The following MEI4 variants were observed in gnomAD, a reference collection of about 807,000 sequenced individuals.
The protein encoded by MEI4 is meiotic double-stranded break formation protein 4, also known as meiosis-specific protein MEI4.
Under a neutral mutation model 31.4 loss-of-function variants are expected in MEI4, and 27 were observed. That is an observed-to-expected ratio of 0.86 (90% CI 0.63 to 1.19). The LOEUF (loss-of-function observed/expected upper bound fraction) is 1.19. Ranked by LOEUF, MEI4 falls within the 50% of genes most tolerant of loss-of-function variation. The pLI, the probability that MEI4 is intolerant of heterozygous loss-of-function variation, is 0.00. For synonymous variants in MEI4, 122 were observed against 145.4 expected, an observed-to-expected ratio of 0.84 and a Z score of 1.16; for missense variants, 329 against 398.9, an observed-to-expected ratio of 0.82 and a Z score of 1.49.
chr6:77,866,166 G>A (rs1307797691), intron 4 of MEI4, among the ~76,000 whole-genome samples: 2 of 151,908 alleles, frequency 1.3e-5, no homozygotes, highest in Non-Finnish European at 2.9e-5. Flanking sequence ...TTGAAAACTG[G>A]CACAAGACAG....
intron 1 of MEI4, 75 bp from the exon 2 acceptor site, chr6:77,690,583 A>T: frequency 1.5e-6 from 1 of 662,772 alleles, no homozygotes; most frequent in Non-Finnish European, 2.1e-6. Flanking sequence ...ACTCTGCAAA[A>T]TCAATTTTAA....
intron 2 of MEI4, among the ~76,000 whole-genome samples, chr6:77,715,863 T>G (rs554095686): frequency 6.6e-6 from 1 of 152,320 alleles, no homozygotes; most frequent in South Asian, 2.1e-4. Flanking sequence ...GGCATTTAAT[T>G]TCTTGGTTGA....
At chr6:77,746,547 G>A (rs1321254082) in intron 2 of MEI4, among the ~76,000 whole-genome samples, 1 of 152,006 alleles carries the variant, frequency 6.6e-6, no homozygotes, top group African/African-American at 2.4e-5. Flanking sequence ...AGTATCCTGG[G>A]TCTCCAGCTT....
chr6:77,774,927 C>G (rs1768400669), intron 3 of MEI4, among the ~76,000 whole-genome samples: 1 of 152,036 alleles, frequency 6.6e-6, no homozygotes, highest in African/African-American at 2.4e-5. Context: ...ACAGTGTATA[C>G]AGGGCCACAT....
chr6:77,804,003 A>C (rs1561995943), intron 3 of MEI4, among the ~76,000 whole-genome samples: 1 of 152,174 alleles, frequency 6.6e-6, no homozygotes, highest in South Asian at 2.1e-4. Flanking sequence ...CAAAGCTGTC[A>C]AACAGGGACA....
At position 77,845,181 on chromosome 6, in the gene MEI4, C is replaced by T. The variant is rs535609246; in HGVS notation, c.900+16119C>T. On this transcript the variant is annotated intron_variant, in intron 4 of 4. Coordinates refer to ENST00000684080, the MANE Select transcript of MEI4 (RefSeq NM_001322247.2). ...TTTTGTCTTCTACCTTGTGTTGAGG[C>T]GGTCAGGTAAAACCCAAGATGCTGG... Among the ~76,000 whole-genome samples the T allele has an allele frequency of 1.7e-4, 26 of 152,184 alleles. No individual in the cohort carries two copies. In the South Asian group the frequency reaches 3.7e-3, roughly 22 times the overall value.
chr6:77,895,305 G>T (rs1414172234), intron 4 of MEI4, among the ~76,000 whole-genome samples: 1 of 152,118 alleles, frequency 6.6e-6, no homozygotes, highest in Non-Finnish European at 1.5e-5. Context: ...AAATTGTAAG[G>T]ATTATTCTGA....
intron 4 of MEI4, among the ~76,000 whole-genome samples, chr6:77,851,123 A>G (rs1314891753): frequency 3.3e-5 from 5 of 152,310 alleles, no homozygotes; most frequent in East Asian, 1.9e-4. Flanking sequence ...TGATCATTAA[A>G]AAGTCAGGAA....
chr6:77,810,296 C>T (rs16889431), intron 3 of MEI4, among the ~76,000 whole-genome samples: 42,676 of 152,004 alleles, frequency 0.28, 6,770 homozygotes, highest in South Asian at 0.39. Context: ...GCAAATCTTC[C>T]TCCAGGCCAC....
chr6:77,690,465 T>C (rs1451447096), intron 1 of MEI4, among the ~76,000 whole-genome samples, 193 bp from the exon 2 acceptor site: 1 of 152,054 alleles, frequency 6.6e-6, no homozygotes, highest in African/African-American at 2.4e-5. Context: ...TTAATATGCA[T>C]GTGTGTGTAT....
chr6:77,786,839 TA>T (rs1452196408), intron 3 of MEI4, among the ~76,000 whole-genome samples: 2 of 152,074 alleles, frequency 1.3e-5, no homozygotes, highest in African/African-American at 4.8e-5. Flanking sequence ...AAAATAAAAA[TA>T]ATATCTCTGT....
intron 4 of MEI4, among the ~76,000 whole-genome samples, chr6:77,906,734 G>A (rs1581968257): frequency 6.6e-6 from 1 of 152,176 alleles, no homozygotes; most frequent in African/African-American, 2.4e-5. Flanking sequence ...GTCTGGGGCA[G>A]TAATGGCACT....
chr6:77,919,599 A>G (rs1321354944), intron 4 of MEI4, among the ~76,000 whole-genome samples: 1 of 151,852 alleles, frequency 6.6e-6, no homozygotes, highest in Non-Finnish European at 1.5e-5. Context: ...CTACAAAAGC[A>G]AGAGCAAACA....
chr6:77,902,849 C>G (rs1406001519), intron 4 of MEI4, among the ~76,000 whole-genome samples: 3 of 152,110 alleles, frequency 2.0e-5, no homozygotes, highest in Admixed American at 6.6e-5. Context: ...TGATTGATGT[C>G]TCATGTCTCC....
Position 77,723,262 on chromosome 6 carries a change from TCTA to T in MEI4, c.232+32362_232+32364del, listed in dbSNP as rs1436959811. ...AGAGACTGCTTGTATAGTACATAAATCTACTGCTGCACTGCCACTTGTGGCGGG... is the reference window on the plus strand; with the variant it reads ...AGAGACTGCTTGTATAGTACATAAATCTGCTGCACTGCCACTTGTGGCGGG... On this transcript the variant is annotated intron_variant, in intron 2 of 4. Transcript: ENST00000684080. Among the ~76,000 whole-genome samples, 7 of 141,414 alleles carry T rather than the reference TCTA, an allele frequency of 4.9e-5. 1 individual carries two copies. In the East Asian group the frequency reaches 6.5e-4, roughly 13 times the overall value. The allele number at this position is 141,414 out of a possible 152,430, so 92.8% of individuals were successfully genotyped here.
chr6:77,900,192 G>T (rs2127734869), intron 4 of MEI4, among the ~76,000 whole-genome samples: 1 of 152,116 alleles, frequency 6.6e-6, no homozygotes, highest in East Asian at 1.9e-4. Flanking sequence ...TACACTGTTT[G>T]TAGAAATGAA....
At chr6:77,879,674 C>T (rs1160164074) in intron 4 of MEI4, among the ~76,000 whole-genome samples, 2 of 152,158 alleles carry the variant, frequency 1.3e-5, no homozygotes, top group Non-Finnish European at 2.9e-5. Context: ...AGAGCAGTGA[C>T]CTTTGTGGCC....
In MEI4 at chr6:77,911,677, T is replaced by C. The variant is rs186163951; in HGVS notation, c.901-11412T>C. On this transcript the variant is annotated intron_variant, in intron 4 of 4. Transcript: ENST00000684080. The stretch of plus-strand genomic sequence containing the variant: ...TTTTTATAGCTGCAATAGTATTCCA[T>C]GATATATATAATGCATATATTATGT... Among the ~76,000 whole-genome samples, 28 of 149,914 alleles carry C rather than the reference T, an allele frequency of 1.9e-4. No individual in the cohort carries two copies. The East Asian group carries it at 4.3e-3, about 23-fold the overall frequency.
At position 77,871,550 on chromosome 6, in the gene MEI4, G is replaced by A. The variant is rs565436443; in HGVS notation, c.900+42488G>A. 2.2e-3 allele frequency among the ~76,000 whole-genome samples: 335 copies of A among 152,158 alleles called. 1 individual carries two copies. Among genetic ancestry groups the A allele is most frequent in the African/African-American group, 7.3e-3 (304 of 41,520 alleles). ...ACAGACACTGGAGACTACTAGCAGGGAGAGAGGGAGGAGGGCAAGGGCTGA... is the reference window on the plus strand; with the variant it reads ...ACAGACACTGGAGACTACTAGCAGGAAGAGAGGGAGGAGGGCAAGGGCTGA... On this transcript the variant is annotated intron_variant, in intron 4 of 4. Coordinates refer to ENST00000684080, the MANE Select transcript of MEI4 (RefSeq NM_001322247.2).
Sources: allele counts gnomAD v4.1 joint callset (sites outside exome capture counted in the v4.1 genomes callset), GRCh38; gene constraint gnomAD v4.1.1; transcripts MANE v1.5; gene names NCBI Gene and HGNC (gene_info 2026-07-23, HGNC 2026-07-21).